Variants in SEMA6D observed in about 807,000 individuals in gnomAD.
The protein encoded by SEMA6D is semaphorin-6D.
A neutral mutation model predicts 106.6 loss-of-function variants in SEMA6D; 35 were observed. The ratio of observed to expected loss-of-function variants is 0.33; its 90% CI spans 0.25 to 0.44. The LOEUF (loss-of-function observed/expected upper bound fraction) is 0.44. Among genes scored for constraint, SEMA6D ranks in the 20% least tolerant of loss-of-function variants. SEMA6D has a pLI of 1.00. For missense variants in SEMA6D, 1,185 were observed against 1,345.9 expected (o/e 0.88, Z 1.87); for synonymous variants, 499 against 487.7 (o/e 1.02, Z -0.31).
At chr15:47,210,962 C>T (rs1378067087) in intron 1 of SEMA6D, among the ~76,000 whole-genome samples, 2 of 151,608 alleles carry the variant, frequency 1.3e-5, no homozygotes, top group African/African-American at 4.8e-5. Context: ...AATGTCAATG[C>T]TCATATATTG....
intron 4 of SEMA6D, among the ~76,000 whole-genome samples, chr15:47,614,867 A>G (rs2076977938): frequency 6.6e-6 from 1 of 152,228 alleles, no homozygotes; most frequent in Non-Finnish European, 1.5e-5. Context: ...AAATGGGGTT[A>G]ATAACAATAT....
chr15:47,497,885 T>C (rs538463162), intron 3 of SEMA6D, among the ~76,000 whole-genome samples: 1 of 152,250 alleles, frequency 6.6e-6, no homozygotes, highest in South Asian at 2.1e-4. Flanking sequence ...CAGTTTCCAG[T>C]AGGTTCTACT....
intron 1 of SEMA6D, among the ~76,000 whole-genome samples, chr15:47,345,211 A>G (rs565120266): frequency 3.9e-5 from 6 of 152,322 alleles, no homozygotes; most frequent in African/African-American, 1.2e-4. Context: ...GTAGAAATTG[A>G]CAAACTGATT....
chr15:47,352,226 A>G (rs1347056867), intron 1 of SEMA6D, among the ~76,000 whole-genome samples: 3 of 152,328 alleles, frequency 2.0e-5, no homozygotes, highest in African/African-American at 7.2e-5. Flanking sequence ...TATTTTTATT[A>G]TATTTCTTTA....
intron 3 of SEMA6D, among the ~76,000 whole-genome samples, chr15:47,575,715 T>A (rs1196041012): frequency 6.7e-6 from 1 of 149,786 alleles, no homozygotes; most frequent in African/African-American, 2.5e-5. Flanking sequence ...CAAGACTCCA[T>A]CTCAAAACAA....
chr15:47,772,041 G>A lies in SEMA6D; in HGVS notation c.*256G>A. ...TTGTTTGAAGCTAAAGAGATGTGTA[G>A]CTCACAGGGGCTACCTTACCAGTAT... On this transcript the variant is annotated 3_prime_UTR_variant, in exon 19 of 19. Transcript: ENST00000536845. The A allele has an allele frequency of 2.1e-6, 1 of 472,396 alleles. No homozygotes were observed. The highest frequency in any genetic ancestry group is 3.8e-6 in the Non-Finnish European group (1 of 264,950). The allele number at this position is 472,396 out of a possible 1,614,324, so 29.3% of individuals were successfully genotyped here.
chr15:47,690,546 T>A lies in SEMA6D; in HGVS notation c.-54-69199T>A, dbSNP rs535278573. 3.9e-5 allele frequency among the ~76,000 whole-genome samples: 6 copies of A among 152,242 alleles called. No homozygotes were observed. In the South Asian group the frequency reaches 1.2e-3, roughly 32 times the overall value. On this transcript the variant is annotated intron_variant, in intron 4 of 19. Coordinates refer to the SEMA6D transcript ENST00000558014. ...TGCACAGATGTTCTCATTTGAAAAA[T>A]GATTTCAAAATCATTTTTTTCTTGA... is the stretch of plus-strand genomic sequence containing the variant.
At chr15:47,656,216 T>C (rs999331239) in intron 4 of SEMA6D, among the ~76,000 whole-genome samples, 1 of 152,200 alleles carries the variant, frequency 6.6e-6, no homozygotes, top group East Asian at 1.9e-4. Context: ...CGAAATAAGG[T>C]GCCTTTAAAT....
At chr15:47,758,384 G>A (rs1207749988) in intron 1 of SEMA6D, among the ~76,000 whole-genome samples, 4 of 152,098 alleles carry the variant, frequency 2.6e-5, no homozygotes, top group Non-Finnish European at 5.9e-5. Flanking sequence ...ATGTAAGACT[G>A]AGGATAAAGC....
At chr15:47,549,564 T>C (rs2045621466) in intron 3 of SEMA6D, among the ~76,000 whole-genome samples, 1 of 152,098 alleles carries the variant, frequency 6.6e-6, no homozygotes, top group Admixed American at 6.6e-5. Flanking sequence ...TTATATTAAA[T>C]GGAAGAAAGG....
chr15:47,280,371 A>T (rs942283639), intron 1 of SEMA6D, among the ~76,000 whole-genome samples: 1 of 150,730 alleles, frequency 6.6e-6, no homozygotes, highest in African/African-American at 2.4e-5. Context: ...ATCGGTGGTG[A>T]TATCCTCTTT....
chr15:47,643,544 G>C (rs2077527959), intron 4 of SEMA6D, among the ~76,000 whole-genome samples: 1 of 152,202 alleles, frequency 6.6e-6, no homozygotes. Context: ...GGTCTAGCAT[G>C]GGGCCTGAGG....
At chr15:47,314,597 CAAAAA>C (rs764929520) in intron 1 of SEMA6D, among the ~76,000 whole-genome samples, 1,103 of 24,304 alleles carry the variant, frequency 0.045, 107 homozygotes, top group Non-Finnish European at 0.091. Flanking sequence ...GACTCCATCT[CAAAAA>C]AAAAAAAAAA....
chr15:47,283,034 G>C (rs1404315156), intron 1 of SEMA6D, among the ~76,000 whole-genome samples: 2 of 152,056 alleles, frequency 1.3e-5, no homozygotes, highest in African/African-American at 4.8e-5. Context: ...ACAGGGGCTA[G>C]CATTTCTAGA....
chr15:47,452,353 C>T (rs749036933), intron 2 of SEMA6D, among the ~76,000 whole-genome samples: 24 of 150,812 alleles, frequency 1.6e-4, no homozygotes, highest in African/African-American at 4.9e-4. Flanking sequence ...CAAAGTCACA[C>T]GACTTGTGTT....
chr15:47,743,710 A>G (rs78761169), intron 1 of SEMA6D, among the ~76,000 whole-genome samples: 4,632 of 152,204 alleles, frequency 0.03, 246 homozygotes, highest in African/African-American at 0.11. Flanking sequence ...AGTGATGGGG[A>G]CAGCACATCC....
At chr15:47,272,454 T>G (rs1447214623) in intron 1 of SEMA6D, 1 of 152,210 alleles carries the variant, frequency 6.6e-6, no homozygotes, top group Non-Finnish European at 1.5e-5. Flanking sequence ...AGTTTTGCAT[T>G]GTAGTACAAC....
At chr15:47,401,568 C>T (rs752348945) in intron 1 of SEMA6D, among the ~76,000 whole-genome samples, 4 of 152,130 alleles carry the variant, frequency 2.6e-5, no homozygotes, top group Admixed American at 6.5e-5. Context: ...CACCCAATAC[C>T]CATGTCTGCT....
At chr15:47,749,068 A>G (rs569668880) in intron 1 of SEMA6D, among the ~76,000 whole-genome samples, 10 of 132,048 alleles carry the variant, frequency 7.6e-5, no homozygotes, top group Non-Finnish European at 1.4e-4. Context: ...ATAGTTGTAA[A>G]TCTTTTTTTT....
Sources: gnomAD v4.1 joint callset for allele counts (sites outside exome capture counted in the v4.1 genomes callset) on GRCh38, gnomAD v4.1.1 for gene constraint, MANE v1.5 for transcripts, NCBI Gene and HGNC (gene_info 2026-07-23, HGNC 2026-07-21) for gene names.